The following GOLGA8B variants were observed in gnomAD, a reference collection of about 807,000 sequenced individuals.
GOLGA8B encodes golgin subfamily A member 8B.
GOLGA8B carries 1 observed loss-of-function variant against 15.6 expected under a neutral mutation model. The ratio of observed to expected loss-of-function variants is 0.06; its 90% CI spans 0.02 to 0.30. The LOEUF (loss-of-function observed/expected upper bound fraction) is 0.30. Ranked by LOEUF, GOLGA8B falls within the 10% of genes least tolerant of loss-of-function variation. The probability of loss-of-function intolerance (pLI) is 1.00; values close to 1 mark genes in which losing one functional copy is unlikely to be tolerated. For synonymous variants in GOLGA8B, 9 were observed against 80.3 expected (o/e 0.11, Z 4.75); for missense variants, 17 against 201.3 (o/e 0.08, Z 5.54).
chr15:34,580,136 G>A (rs561036044), intron 1 of GOLGA8B, among the ~76,000 whole-genome samples: 2 of 152,296 alleles, frequency 1.3e-5, no homozygotes, highest in African/African-American at 2.4e-5. Context: ...CGAGGACCAA[G>A]GGATAAGACG....
At chr15:34,579,962 G>C (rs1187615767) in intron 1 of GOLGA8B, among the ~76,000 whole-genome samples, 1 of 152,188 alleles carries the variant, frequency 6.6e-6, no homozygotes, top group Non-Finnish European at 1.5e-5. Context: ...GAAACACAAA[G>C]CAAGGTTAAC....
At chr15:34,569,882 G>A (rs183535297) in intron 1 of GOLGA8B, among the ~76,000 whole-genome samples, 46 of 152,108 alleles carry the variant, frequency 3.0e-4, no homozygotes, top group African/African-American at 1.1e-3. Flanking sequence ...ATGACCCTGA[G>A]CTTCACAGAT....
chr15:34,527,461 C>T lies in GOLGA8B; in HGVS notation c.*171G>A. The T allele has an allele frequency of 1.4e-6, 1 of 723,400 alleles. No individual in the cohort carries two copies. The highest frequency in any genetic ancestry group is 2.2e-5 in the South Asian group (1 of 46,320). 44.8% of individuals were successfully genotyped at this position (723,400 alleles called of 1,614,324 possible). On this transcript the variant is annotated 3_prime_UTR_variant, in exon 24 of 24. Transcript: ENST00000683415. Reference sequence around the variant, plus strand: ...GAACATCAGTGAGAGGCACAGAGACCCACTCTCTTTTAACTTTTTACAAAT... The same window carrying T: ...GAACATCAGTGAGAGGCACAGAGACTCACTCTCTTTTAACTTTTTACAAAT...
intron 1 of GOLGA8B, among the ~76,000 whole-genome samples, chr15:34,564,914 T>C (rs985815501): frequency 3.5e-5 from 5 of 143,590 alleles, no homozygotes; most frequent in African/African-American, 9.9e-5. Context: ...CATGGCACAT[T>C]TGTGGTTAAG....
rs1225208140 is a variant in GOLGA8B, at chr15:34,526,445, AAT to A, written c.*1185_*1186del. 5 of 148,954 alleles carry A rather than the reference AAT, an allele frequency of 3.4e-5. No homozygotes were observed. Among genetic ancestry groups the A allele is most frequent in the Non-Finnish European group, 7.4e-5 (5 of 67,166 alleles). 9.2% of individuals were successfully genotyped at this position (148,954 alleles called of 1,614,324 possible). A position where few individuals can be genotyped will look rare whatever the true frequency, so the allele number is the denominator to read the frequency against. ...GTCAGAGTAACCGAGGTGGTTGAAG[AAT>A]AGGTATTAGCCAGAGAGGTCTAGAT... On this transcript the variant is annotated 3_prime_UTR_variant, in exon 24 of 24. Coordinates refer to ENST00000683415, the MANE Select transcript of GOLGA8B (RefSeq NM_001023567.5).
Position 34,526,648 on chromosome 15 carries a change from G to A in GOLGA8B, c.*984C>T, listed in dbSNP as rs1365916542. The A allele has an allele frequency of 3.4e-5, 5 of 149,216 alleles. No homozygotes were observed. Among genetic ancestry groups the A allele is most frequent in the Non-Finnish European group, 7.4e-5 (5 of 67,232 alleles). 9.2% of individuals were successfully genotyped at this position (149,216 alleles called of 1,614,324 possible). On this transcript the variant is annotated 3_prime_UTR_variant, in exon 24 of 24. Transcript: ENST00000683415. ...CTTTACTAAATACATTAAGAAGAAT[G>A]CCAACCAGCGCCCTTTCGTGTACTG...
At chr15:34,572,714 T>C (rs1888954723) in intron 1 of GOLGA8B, among the ~76,000 whole-genome samples, 1 of 152,240 alleles carries the variant, frequency 6.6e-6, no homozygotes, top group Non-Finnish European at 1.5e-5. Context: ...TTTCATTTTC[T>C]ATTCTACATG....
chr15:34,543,395 C>G (rs1328122907), intron 7 of GOLGA8B, among the ~76,000 whole-genome samples: 2 of 143,806 alleles, frequency 1.4e-5, no homozygotes. Flanking sequence ...TTTGGAGAAA[C>G]GAGTTCTCAC....
intron 1 of GOLGA8B, among the ~76,000 whole-genome samples, chr15:34,581,275 A>G (rs1398252352): frequency 2.0e-5 from 3 of 151,390 alleles, no homozygotes; most frequent in Non-Finnish European, 4.4e-5. Context: ...GCCAGGTTCA[A>G]CCCCCACTCT....
At chr15:34,567,792 T>C (rs1888805198) in intron 1 of GOLGA8B, among the ~76,000 whole-genome samples, 1 of 151,852 alleles carries the variant, frequency 6.6e-6, no homozygotes, top group African/African-American at 2.4e-5. Context: ...CACACAATGA[T>C]ACAAGTAAGT....
intron 1 of GOLGA8B, among the ~76,000 whole-genome samples, chr15:34,571,133 C>T (rs977484445): frequency 1.3e-5 from 2 of 150,776 alleles, no homozygotes; most frequent in Admixed American, 6.6e-5. Context: ...CAAGACCAGC[C>T]TGGGAAACTT....
intron 1 of GOLGA8B, among the ~76,000 whole-genome samples, chr15:34,582,147 G>C (rs1889253905): frequency 6.6e-6 from 1 of 152,292 alleles, no homozygotes; most frequent in Non-Finnish European, 1.5e-5. Context: ...GGGCATCCTG[G>C]ACTCCCCGGA....
intron 1 of GOLGA8B, chr15:34,566,333 T>A (rs1228061068): frequency 7.0e-6 from 1 of 142,780 alleles, no homozygotes; most frequent in African/African-American, 2.5e-5. Flanking sequence ...AGATGGTAAA[T>A]TTCATCTTTT....
At chr15:34,576,296 T>C (rs1889079785) in intron 1 of GOLGA8B, among the ~76,000 whole-genome samples, 1 of 152,150 alleles carries the variant, frequency 6.6e-6, no homozygotes, top group Non-Finnish European at 1.5e-5. Context: ...GTAGCACCAG[T>C]CCTCAGTGCT....
intron 1 of GOLGA8B, among the ~76,000 whole-genome samples, chr15:34,567,522 T>A (rs1888797380): frequency 1.3e-5 from 2 of 151,548 alleles, no homozygotes; most frequent in Admixed American, 1.3e-4. Flanking sequence ...GTGAGAAGAG[T>A]CACATGAAGG....
chr15:34,564,151 G>A (rs1183001894), intron 1 of GOLGA8B, among the ~76,000 whole-genome samples: 2 of 144,516 alleles, frequency 1.4e-5, no homozygotes, highest in East Asian at 2.0e-4. Flanking sequence ...GGGTAGAGGG[G>A]GTGTTACTAA....
chr15:34,557,504 A>G lies in GOLGA8B; in HGVS notation c.-1122-3548T>C, dbSNP rs1159246831. On this transcript the variant is annotated intron_variant, in intron 1 of 23. Coordinates refer to ENST00000683415, the MANE Select transcript of GOLGA8B (RefSeq NM_001023567.5). ...CATTTGAAAAGCCGCCTTCCAAAAAAAAGCCTCACTGTGAGTATATATTAT... is the reference window on the plus strand; with the variant it reads ...CATTTGAAAAGCCGCCTTCCAAAAAGAAGCCTCACTGTGAGTATATATTAT... Among the ~76,000 whole-genome samples, 3 of 33,928 alleles carry G rather than the reference A, an allele frequency of 8.8e-5. No homozygotes were observed. In the East Asian group the frequency reaches 1.5e-3, roughly 17 times the overall value. The allele number at this position is 33,928 out of a possible 152,430, so 22.3% of individuals were successfully genotyped here. A position where few individuals can be genotyped will look rare whatever the true frequency, so the allele number is the denominator to read the frequency against.
intron 1 of GOLGA8B, chr15:34,581,521 G>C (rs74203720): frequency 6.6e-5 from 10 of 151,930 alleles, no homozygotes; most frequent in Non-Finnish European, 1.3e-4. Context: ...TATTTATGCA[G>C]CTCCATTTCA....
chr15:34,566,523 G>C (rs1302398923), intron 1 of GOLGA8B: 2 of 140,476 alleles, frequency 1.4e-5, no homozygotes, highest in African/African-American at 2.6e-5. Context: ...AATCTCAGTG[G>C]AGTGGCTTCA....
Sources: gnomAD v4.1 joint callset for allele counts (sites outside exome capture counted in the v4.1 genomes callset) on GRCh38, gnomAD v4.1.1 for gene constraint, MANE v1.5 for transcripts, NCBI Gene and HGNC (gene_info 2026-07-23, HGNC 2026-07-21) for gene names.